Variants in PTPRQ observed in about 807,000 individuals in gnomAD.
PTPRQ encodes the protein protein tyrosine phosphatase receptor type Q.
Under a neutral mutation model 246.0 loss-of-function variants are expected in PTPRQ, and 199 were observed. The ratio of observed to expected loss-of-function variants is 0.81; its 90% CI spans 0.72 to 0.91. The LOEUF (loss-of-function observed/expected upper bound fraction) is 0.91, where lower values mean the gene tolerates loss of function less well. Among genes scored for constraint, PTPRQ ranks in the 40% least tolerant of loss-of-function variants. PTPRQ has a pLI of 0.00. For missense variants in PTPRQ, 2,624 were observed against 2,528.4 expected (o/e 1.04, Z -0.81); for synonymous variants, 869 against 853.2 (o/e 1.02, Z -0.32).
chr12:80,484,729 A>G (rs1894216877), intron 9 of PTPRQ, 124 bp downstream of exon 9: 1 of 1,169,850 alleles, frequency 8.5e-7, no homozygotes, highest in Non-Finnish European at 1.2e-6. Context: ...AAAGTAAAGT[A>G]AATTTGGGGC....
intron 6 of PTPRQ, among the ~76,000 whole-genome samples, chr12:80,463,226 G>A (rs893491584): frequency 2.6e-5 from 4 of 152,230 alleles, no homozygotes; most frequent in Non-Finnish European, 5.9e-5. Context: ...GAATGCAGAA[G>A]CATCAGGAGC....
chr12:80,484,359 T>G, intron 8 of PTPRQ, 74 bp from the exon 9 acceptor site: 6 of 1,464,620 alleles, frequency 4.1e-6, no homozygotes, highest in Non-Finnish European at 5.4e-6. Context: ...GAACTAAGAA[T>G]TTAGGCACTT....
At chr12:80,460,630 A>G (rs1565718867) in intron 5 of PTPRQ, 23 bp from the exon 6 acceptor site, 1 of 398,316 alleles carries the variant, frequency 2.5e-6, no homozygotes, top group Admixed American at 4.4e-5. Flanking sequence ...TTATTTCTCT[A>G]TTGATCTTAT....
intron 8 of PTPRQ, among the ~76,000 whole-genome samples, chr12:80,478,165 G>C (rs1311043739): frequency 6.8e-6 from 1 of 147,888 alleles, no homozygotes; most frequent in Non-Finnish European, 1.5e-5. Flanking sequence ...GGTTCTCCCA[G>C]CACGCAGCTG....
intron 39 of PTPRQ, among the ~76,000 whole-genome samples, chr12:80,663,880 C>A (rs1036391593): frequency 4.0e-5 from 6 of 151,832 alleles, no homozygotes; most frequent in African/African-American, 1.5e-4. Flanking sequence ...ATTCTTCAAC[C>A]CTGCTCTGCC....
chr12:80,656,876 CAA>C (rs113862574), intron 38 of PTPRQ, among the ~76,000 whole-genome samples: 12,136 of 113,546 alleles, frequency 0.11, 643 homozygotes, highest in South Asian at 0.22. Flanking sequence ...CCTCATTCCT[CAA>C]AAAAAAAAAA....
At chr12:80,483,984 GTTT>G (rs1170259944) in intron 8 of PTPRQ, among the ~76,000 whole-genome samples, 1 of 100,720 alleles carries the variant, frequency 9.9e-6, no homozygotes, top group Admixed American at 1.1e-4. Context: ...TTTCTTTCTT[GTTT>G]TTTGTTTGTT....
chr12:80,640,025 CGTGTGTGT>C (rs149812346), intron 35 of PTPRQ, among the ~76,000 whole-genome samples: 102 of 143,002 alleles, frequency 7.1e-4, no homozygotes, highest in African/African-American at 2.1e-3. Context: ...TGAAGATACA[CGTGTGTGT>C]GTGTGTGTGT....
At chr12:80,532,052 A>G (rs1314293445) in intron 17 of PTPRQ, among the ~76,000 whole-genome samples, 1 of 151,748 alleles carries the variant, frequency 6.6e-6, no homozygotes, top group Non-Finnish European at 1.5e-5. Context: ...TTTTTTTTAC[A>G]GTTGGTAGAT....
chr12:80,515,746 T>TC (rs1345456459), intron 17 of PTPRQ, among the ~76,000 whole-genome samples: 2 of 150,934 alleles, frequency 1.3e-5, no homozygotes, highest in African/African-American at 4.9e-5. Flanking sequence ...ATATTTCTTT[T>TC]TTTTTTTTTT....
At chr12:80,597,791 G>A (rs1223555824) in intron 26 of PTPRQ, among the ~76,000 whole-genome samples, 10 of 151,980 alleles carry the variant, frequency 6.6e-5, no homozygotes, top group Non-Finnish European at 8.8e-5. Flanking sequence ...GATTCAGTAA[G>A]TCTGGGGTAG....
intron 38 of PTPRQ, among the ~76,000 whole-genome samples, chr12:80,653,851 G>C (rs1356379900): frequency 6.6e-6 from 1 of 152,124 alleles, no homozygotes; most frequent in African/African-American, 2.4e-5. Flanking sequence ...TAATCTACTA[G>C]AACCTGTTAA....
chr12:80,632,395 A>G, intron 34 of PTPRQ, 104 bp downstream of exon 34: 3 of 1,431,094 alleles, frequency 2.1e-6, no homozygotes, highest in Non-Finnish European at 1.9e-6. Context: ...AATGGGAAAC[A>G]TTTTTATTTT....
intron 8 of PTPRQ, among the ~76,000 whole-genome samples, chr12:80,473,047 G>GCA (rs34054644): frequency 0.023 from 3,334 of 145,626 alleles, 133 homozygotes; most frequent in East Asian, 0.16. Flanking sequence ...TCACACACAC[G>GCA]CACACACACA....
chr12:80,657,156 T>C (rs1264657266), intron 38 of PTPRQ, among the ~76,000 whole-genome samples: 1 of 151,818 alleles, frequency 6.6e-6, no homozygotes, highest in Non-Finnish European at 1.5e-5. Flanking sequence ...TAGCCTTCTG[T>C]TTTTAACATA....
At chr12:80,521,579 A>G (rs563425008) in intron 17 of PTPRQ, among the ~76,000 whole-genome samples, 21 of 152,034 alleles carry the variant, frequency 1.4e-4, no homozygotes, top group African/African-American at 4.8e-4. Flanking sequence ...CTTTCTACAT[A>G]TGGCTAGCCA....
intron 6 of PTPRQ, among the ~76,000 whole-genome samples, chr12:80,465,806 C>T (rs923821637): frequency 2.6e-5 from 4 of 152,094 alleles, no homozygotes; most frequent in African/African-American, 4.8e-5. Context: ...AATTCAACAA[C>T]CCTCCATGCT....
Position 80,459,497 on chromosome 12 carries a change from A to T in PTPRQ, c.660+14A>T. On this transcript the variant is annotated intron_variant, in intron 5 of 44. Coordinates refer to ENST00000644991, the MANE Select transcript of PTPRQ (RefSeq NM_001145026.2). ...CCAGAATGCAATGTAAGTATCACAG[A>T]ACACTTTCTATGTCTTGAAAAATCT... 1 of 397,300 alleles carries T rather than the reference A, an allele frequency of 2.5e-6. No homozygotes were observed. Among genetic ancestry groups the T allele is most frequent in the Non-Finnish European group, 4.4e-6 (1 of 225,818 alleles). 24.6% of individuals were successfully genotyped at this position (397,300 alleles called of 1,614,324 possible).
intron 26 of PTPRQ, among the ~76,000 whole-genome samples, chr12:80,591,395 C>T (rs1000552209): frequency 6.6e-6 from 1 of 152,110 alleles, no homozygotes; most frequent in African/African-American, 2.4e-5. Flanking sequence ...TCCCACAGTG[C>T]TGAGATTTCA....
Sources: allele counts gnomAD v4.1 joint callset (sites outside exome capture counted in the v4.1 genomes callset), GRCh38; gene constraint gnomAD v4.1.1; transcripts MANE v1.5; gene names NCBI Gene and HGNC (gene_info 2026-07-23, HGNC 2026-07-21).